The following BRD4 variants were observed in gnomAD, a reference collection of about 807,000 sequenced individuals.
BRD4 encodes the protein bromodomain-containing protein 4.
Under a neutral mutation model 142.1 loss-of-function variants are expected in BRD4, and 16 were observed. The ratio of observed to expected loss-of-function variants is 0.11; its 90% CI spans 0.08 to 0.17. BRD4 has a LOEUF of 0.17. Among genes scored for constraint, BRD4 ranks in the 10% least tolerant of loss-of-function variants. The probability of loss-of-function intolerance (pLI) is 1.00; values close to 1 mark genes in which losing one functional copy is unlikely to be tolerated. For missense variants in BRD4, 1,424 were observed against 1,810.9 expected (o/e 0.79, Z 3.88); for synonymous variants, 833 against 707.5 (o/e 1.18, Z -2.82).
intron 1 of BRD4, among the ~76,000 whole-genome samples, chr19:15,281,440 C>T (rs2047703737): frequency 6.6e-6 from 1 of 152,168 alleles, no homozygotes. Flanking sequence ...GGAAACTGGG[C>T]GGGACACAAT....
intron 6 of BRD4, 58 bp from the exon 7 acceptor site, chr19:15,263,606 G>C (rs1599462442): frequency 6.2e-7 from 1 of 1,601,620 alleles, no homozygotes; most frequent in East Asian, 2.2e-5. Context: ...ATGGAGAAGT[G>C]GCTGGCAGCA....
intron 7 of BRD4, among the ~76,000 whole-genome samples, chr19:15,261,600 C>T (rs1420940542): frequency 1.3e-5 from 2 of 152,166 alleles, no homozygotes; most frequent in Non-Finnish European, 1.5e-5. Flanking sequence ...ACACAGACAA[C>T]ACCAAAGTGA....
At chr19:15,266,489 A>ACCAC (rs1312288440) in intron 4 of BRD4, among the ~76,000 whole-genome samples, 1 of 152,178 alleles carries the variant, frequency 6.6e-6, no homozygotes, top group African/African-American at 2.4e-5. Flanking sequence ...AGGAGATGCC[A>ACCAC]CCACGTCTGT....
chr19:15,328,834 C>T (rs565906078), intron 1 of BRD4, among the ~76,000 whole-genome samples: 1 of 152,346 alleles, frequency 6.6e-6, no homozygotes, highest in Admixed American at 6.5e-5. Flanking sequence ...AGTGCAATGG[C>T]ATGACCTTGG....
At chr19:15,248,311 G>A in intron 11 of BRD4, 1 of 216,490 alleles carries the variant, frequency 4.6e-6, no homozygotes, top group Non-Finnish European at 9.3e-6. Flanking sequence ...AGGGACTGAA[G>A]ACGGGGAAAA....
intron 7 of BRD4, among the ~76,000 whole-genome samples, chr19:15,259,661 A>AACCC (rs1173397338): frequency 5.3e-5 from 8 of 152,166 alleles, no homozygotes; most frequent in Non-Finnish European, 1.0e-4. Context: ...CATCCTGGGA[A>AACCC]ACCCACAAGC....
chr19:15,302,877 G>A (rs747976403), intron 1 of BRD4, among the ~76,000 whole-genome samples: 11 of 149,402 alleles, frequency 7.4e-5, no homozygotes, highest in Non-Finnish European at 4.5e-5. Flanking sequence ...GCGTGGTGGC[G>A]GTCACCTGTA....
intron 1 of BRD4, among the ~76,000 whole-genome samples, chr19:15,331,271 G>A (rs1298674956): frequency 6.6e-6 from 1 of 152,220 alleles, no homozygotes; most frequent in Non-Finnish European, 1.5e-5. Context: ...CTACAACAGA[G>A]TGGGGTTTCC....
chr19:15,281,175 C>G (rs2047701241), intron 1 of BRD4, among the ~76,000 whole-genome samples: 1 of 152,238 alleles, frequency 6.6e-6, no homozygotes, highest in Non-Finnish European at 1.5e-5. Flanking sequence ...GCCGAGGCAG[C>G]TCTTAGAGGC....
intron 7 of BRD4, among the ~76,000 whole-genome samples, chr19:15,259,516 A>G (rs976819193): frequency 2.6e-5 from 4 of 152,226 alleles, no homozygotes; most frequent in Non-Finnish European, 5.9e-5. Flanking sequence ...TACAAGACAC[A>G]AAGTCAGCTA....
intron 1 of BRD4, among the ~76,000 whole-genome samples, chr19:15,277,789 CCAAAA>C (rs370368371): frequency 1.4e-4 from 21 of 149,414 alleles, no homozygotes; most frequent in African/African-American, 3.2e-4. Context: ...GACTCCGTCT[CCAAAA>C]CAAAACAAAA....
At position 15,237,654 on chromosome 19, in the gene BRD4, C is replaced by A; in HGVS notation, c.*723G>T. The A allele has an allele frequency of 4.3e-6, 1 of 230,472 alleles. No individual in the cohort carries two copies. Among genetic ancestry groups the A allele is most frequent in the Non-Finnish European group, 8.6e-6 (1 of 116,632 alleles). The allele number at this position is 230,472 out of a possible 1,614,324, so 14.3% of individuals were successfully genotyped here. On this transcript the variant is annotated 3_prime_UTR_variant, in exon 20 of 20. Transcript: ENST00000679869. ...AAGAAAAAAAAAAACGAAACAGAAA[C>A]ACAGGTGGGAAGGAACTGACTTTGG...
chr19:15,247,131 C>T, intron 11 of BRD4: 1 of 220,814 alleles, frequency 4.5e-6, no homozygotes, highest in Non-Finnish European at 9.1e-6. Flanking sequence ...GGTAATTGTA[C>T]AAAGAAATAA....
intron 1 of BRD4, among the ~76,000 whole-genome samples, chr19:15,279,642 A>AG (rs2047685552): frequency 6.6e-6 from 1 of 152,220 alleles, no homozygotes; most frequent in Non-Finnish European, 1.5e-5. Context: ...CATGCAGGGC[A>AG]GGCTTAGTTC....
chr19:15,287,397 G>C lies in BRD4; in HGVS notation c.-34-14264C>G, dbSNP rs377049503. 2.0e-5 allele frequency among the ~76,000 whole-genome samples: 3 copies of C among 152,096 alleles called. No homozygotes were observed. The South Asian group carries it at 6.2e-4, about 32-fold the overall frequency. On this transcript the variant is annotated intron_variant, in intron 1 of 19. Coordinates refer to ENST00000679869, the MANE Select transcript of BRD4 (RefSeq NM_001379291.1). ...ACTATGCAATCACTATCTAGCTCCA[G>C]AACTTTTTAATTTATGTATTTATTT...
rs555159651 is a variant in BRD4, at chr19:15,300,566, A to G, written c.-34-27433T>C. Among the ~76,000 whole-genome samples the G allele has an allele frequency of 4.6e-5, 7 of 152,232 alleles. No individual in the cohort carries two copies. In the East Asian group the frequency reaches 1.4e-3, roughly 29 times the overall value. ...GGAGACTCCATCTTAACAAAAACAA[A>G]AACAAAAAATCAAACAAAACCATGT... On this transcript the variant is annotated intron_variant, in intron 1 of 19. Transcript: ENST00000679869.
At chr19:15,319,523 AG>A (rs2048043780) in intron 1 of BRD4, among the ~76,000 whole-genome samples, 1 of 152,252 alleles carries the variant, frequency 6.6e-6, no homozygotes. Context: ...CTGAGGTGGG[AG>A]GATCACTTAA....
intron 1 of BRD4, among the ~76,000 whole-genome samples, chr19:15,302,647 C>A (rs1599505149): frequency 9.9e-6 from 1 of 100,804 alleles, no homozygotes; most frequent in Non-Finnish European, 1.8e-5. Context: ...CCAGCCTGGA[C>A]AACTGAGCAA....
intron 1 of BRD4, among the ~76,000 whole-genome samples, chr19:15,310,452 C>A (rs2047960012): frequency 6.8e-6 from 1 of 148,146 alleles, no homozygotes; most frequent in Non-Finnish European, 1.5e-5. Context: ...GCTCCGCCTC[C>A]CGGGTTCACG....
Sources: gnomAD v4.1 joint callset for allele counts (sites outside exome capture counted in the v4.1 genomes callset) on GRCh38, gnomAD v4.1.1 for gene constraint, MANE v1.5 for transcripts, NCBI Gene and HGNC (gene_info 2026-07-23, HGNC 2026-07-21) for gene names.